Variants in ARIH2 observed in about 807,000 individuals in gnomAD.
ARIH2 encodes the protein ariadne RBR E3 ubiquitin protein ligase 2.
ARIH2 carries 12 observed loss-of-function variants against 79.8 expected under a neutral mutation model. That is an observed-to-expected ratio of 0.15 (90% CI 0.10 to 0.24). ARIH2 has a LOEUF of 0.24. Ranked by LOEUF, ARIH2 falls within the 10% of genes least tolerant of loss-of-function variation. ARIH2 has a pLI of 1.00. For synonymous variants in ARIH2, 224 were observed against 213.9 expected, an observed-to-expected ratio of 1.05 and a Z score of -0.41; for missense variants, 301 against 618.3, an observed-to-expected ratio of 0.49 and a Z score of 5.44.
chr3:48,940,665 C>T (rs150533228), intron 3 of ARIH2, among the ~76,000 whole-genome samples: 2,984 of 151,264 alleles, frequency 0.02, 39 homozygotes, highest in Middle Eastern at 0.031. Context: ...CATGGTGGCG[C>T]GTGCCTGTAA....
Position 48,965,118 on chromosome 3 carries a change from G to A in ARIH2, c.387+136G>A, listed in dbSNP as rs1218512111. On this transcript the variant is annotated intron_variant, in intron 5 of 15. Coordinates refer to ENST00000356401, the MANE Select transcript of ARIH2 (RefSeq NM_006321.4). ...GCCTGTAATCCCAGCACTTTGGGAG[G>A]CTGAGGCGGGTGGATTACGAGGTCA... The A allele has an allele frequency of 2.2e-5, 14 of 642,994 alleles. No individual in the cohort carries two copies. The East Asian group carries it at 4.7e-4, about 22-fold the overall frequency. The allele number at this position is 642,994 out of a possible 1,614,324, so 39.8% of individuals were successfully genotyped here.
intron 11 of ARIH2, among the ~76,000 whole-genome samples, chr3:48,978,276 GAC>G (rs1413235203): frequency 7.0e-6 from 1 of 143,298 alleles, no homozygotes; most frequent in African/African-American, 2.6e-5. Flanking sequence ...TTTTTTTTGA[GAC>G]ACAGTCTCGC....
chr3:48,936,367 C>T (rs1233952763), intron 3 of ARIH2, among the ~76,000 whole-genome samples: 1 of 152,208 alleles, frequency 6.6e-6, no homozygotes, highest in Non-Finnish European at 1.5e-5. Context: ...CTTAAACTGA[C>T]ATGAACTGTC....
At chr3:48,949,687 A>G (rs902012095) in intron 3 of ARIH2, among the ~76,000 whole-genome samples, 1 of 152,132 alleles carries the variant, frequency 6.6e-6, no homozygotes, top group South Asian at 2.1e-4. Context: ...TGTCTGTTCA[A>G]ATACTTTGTC....
In ARIH2 at chr3:48,986,315, A is replaced by T. The variant is rs552706549; in HGVS notation, c.*3045A>T. On this transcript the variant is annotated 3_prime_UTR_variant, in exon 16 of 16. Transcript: ENST00000356401. ...CCAATCCATGGGGAACATAGAAGGA[A>T]TTGATCACTAGTGAATGTTTGTTTT... is the stretch of plus-strand genomic sequence containing the variant. 6.6e-6 allele frequency: 1 copy of T among 152,242 alleles called. No homozygotes were observed. The highest frequency in any genetic ancestry group is 2.1e-4 in the South Asian group (1 of 4,826). The allele number at this position is 152,242 out of a possible 1,614,324, so 9.4% of individuals were successfully genotyped here.
intron 3 of ARIH2, among the ~76,000 whole-genome samples, chr3:48,930,795 T>C (rs919006920): frequency 1.3e-5 from 2 of 152,244 alleles, no homozygotes; most frequent in Non-Finnish European, 2.9e-5. Flanking sequence ...TAGTGCTGAT[T>C]GCACAATTCT....
chr3:48,956,473 T>A (rs1470615130), intron 3 of ARIH2, among the ~76,000 whole-genome samples: 3 of 127,010 alleles, frequency 2.4e-5, no homozygotes, highest in East Asian at 2.2e-4. Context: ...TTTTTTTTTT[T>A]AAGAGACAGG....
In ARIH2 at chr3:48,983,464, G is replaced by C; in HGVS notation, c.*194G>C. The C allele has an allele frequency of 1.6e-6, 1 of 610,018 alleles. No individual in the cohort carries two copies. The allele number at this position is 610,018 out of a possible 1,614,324, so 37.8% of individuals were successfully genotyped here. ...CACTTTTTGTTTCTACCAGGGTAGA[G>C]GCCATGTTGAACTGGCCTCTTTTCA... On this transcript the variant is annotated 3_prime_UTR_variant, in exon 16 of 16. Coordinates refer to ENST00000356401, the MANE Select transcript of ARIH2 (RefSeq NM_006321.4).
intron 3 of ARIH2, among the ~76,000 whole-genome samples, chr3:48,952,066 A>G (rs548469847): frequency 1.3e-5 from 2 of 152,260 alleles, no homozygotes; most frequent in East Asian, 1.9e-4. Flanking sequence ...CTTTTTTAAT[A>G]TATACATTTA....
intron 3 of ARIH2, among the ~76,000 whole-genome samples, chr3:48,939,473 AT>A (rs2087704017): frequency 6.7e-6 from 1 of 150,132 alleles, no homozygotes; most frequent in Admixed American, 6.6e-5. Flanking sequence ...TGAAGTAATA[AT>A]TAGCTGGGCG....
intron 3 of ARIH2, among the ~76,000 whole-genome samples, chr3:48,930,444 C>G (rs573954854): frequency 2.6e-5 from 4 of 152,264 alleles, no homozygotes; most frequent in Admixed American, 1.3e-4. Flanking sequence ...ATTGCCCCCA[C>G]TATACTCCAG....
intron 13 of ARIH2, among the ~76,000 whole-genome samples, chr3:48,981,286 T>C (rs1399957872): frequency 2.0e-5 from 3 of 149,374 alleles, no homozygotes; most frequent in Non-Finnish European, 4.5e-5. Context: ...GAGTGGGGAT[T>C]GCACCACTGC....
At chr3:48,932,161 C>T (rs1444194511) in intron 3 of ARIH2, among the ~76,000 whole-genome samples, 1 of 152,128 alleles carries the variant, frequency 6.6e-6, no homozygotes, top group Non-Finnish European at 1.5e-5. Context: ...AAAATCAGAT[C>T]AAGGGCTCAA....
intron 3 of ARIH2, among the ~76,000 whole-genome samples, chr3:48,953,789 T>G (rs1033235000): frequency 2.6e-5 from 4 of 151,762 alleles, no homozygotes; most frequent in African/African-American, 7.3e-5. Context: ...CTCTACCTCC[T>G]GGGCTCAAGC....
intron 3 of ARIH2, chr3:48,934,234 A>G (rs775609638): frequency 1.5e-5 from 7 of 469,512 alleles, no homozygotes; most frequent in Non-Finnish European, 2.0e-5. Context: ...GGTGTTCATA[A>G]CAACAAAATA....
chr3:48,922,347 A>C (rs1247935906), intron 1 of ARIH2: 2 of 150,062 alleles, frequency 1.3e-5, no homozygotes, highest in East Asian at 3.9e-4. Flanking sequence ...CTTGTCACCC[A>C]GGCTCAAGTG....
At chr3:48,940,145 G>A (rs1185156035) in intron 3 of ARIH2, among the ~76,000 whole-genome samples, 2 of 152,084 alleles carry the variant, frequency 1.3e-5, no homozygotes, top group East Asian at 1.9e-4. Flanking sequence ...GGCGGAGCTT[G>A]CAGTGAGCCA....
chr3:48,968,682 T>G, intron 7 of ARIH2, 27 bp downstream of exon 7: 4 of 1,597,424 alleles, frequency 2.5e-6, no homozygotes, highest in Non-Finnish European at 3.4e-6. Flanking sequence ...TTCTGCCCTC[T>G]GTCTTCCCGG....
At chr3:48,970,346 T>C (rs2092144167) in intron 7 of ARIH2, among the ~76,000 whole-genome samples, 2 of 152,184 alleles carry the variant, frequency 1.3e-5, no homozygotes, top group Non-Finnish European at 2.9e-5. Flanking sequence ...CAGGAGCCAC[T>C]ATGCCTGGTG....
Sources: allele counts gnomAD v4.1 joint callset (sites outside exome capture counted in the v4.1 genomes callset), GRCh38; gene constraint gnomAD v4.1.1; transcripts MANE v1.5; gene names NCBI Gene and HGNC (gene_info 2026-07-23, HGNC 2026-07-21).